Variants in SRSF4 observed in about 807,000 individuals in gnomAD.
The protein encoded by SRSF4 is serine and arginine rich splicing factor 4.
In SRSF4, 12 loss-of-function variants were observed where a neutral mutation model predicts 48.8. That is an observed-to-expected ratio of 0.25 (90% CI 0.16 to 0.40). SRSF4 has a LOEUF of 0.40. Ranked by LOEUF, SRSF4 falls within the 10% of genes least tolerant of loss-of-function variation. The pLI is 1.00. For synonymous variants in SRSF4, 248 were observed against 232.5 expected, an observed-to-expected ratio of 1.07 and a Z score of -0.61; for missense variants, 466 against 667.1, an observed-to-expected ratio of 0.70 and a Z score of 3.32.
intron 1 of SRSF4, chr1:29,172,584 G>A (rs1356399669): frequency 6.6e-6 from 1 of 152,208 alleles, no homozygotes; most frequent in African/African-American, 2.4e-5. Context: ...GAGCCACCAC[G>A]CCTGGCCAGC....
chr1:29,181,610 TC>T, intron 1 of SRSF4, 35 bp downstream of exon 1: 1 of 1,543,570 alleles, frequency 6.5e-7, no homozygotes, highest in Non-Finnish European at 8.8e-7. Flanking sequence ...ATGGGGTCTG[TC>T]CCCGCCCGGC....
At chr1:29,172,306 T>A (rs944271176) in intron 1 of SRSF4, 1 of 152,170 alleles carries the variant, frequency 6.6e-6, no homozygotes, top group Non-Finnish European at 1.5e-5. Context: ...TTTTATTTTT[T>A]ATTTTTGAGA....
chr1:29,162,087 T>A (rs551941455), intron 1 of SRSF4, among the ~76,000 whole-genome samples: 11 of 152,286 alleles, frequency 7.2e-5, no homozygotes, highest in South Asian at 4.1e-4. Context: ...TGGCACTGAA[T>A]GTCAACTCCA....
chr1:29,159,062 T>C (rs897836237), intron 3 of SRSF4, among the ~76,000 whole-genome samples: 4 of 152,012 alleles, frequency 2.6e-5, no homozygotes, highest in Non-Finnish European at 5.9e-5. Context: ...GCAGAGATGG[T>C]GCCACTGCAC....
At chr1:29,179,466 C>T (rs1003816464) in intron 1 of SRSF4, among the ~76,000 whole-genome samples, 2 of 152,062 alleles carry the variant, frequency 1.3e-5, no homozygotes, top group African/African-American at 4.8e-5. Flanking sequence ...CTGAAGTGAT[C>T]CTCCTGCCTC....
At chr1:29,165,627 G>C (rs1219489063) in intron 1 of SRSF4, among the ~76,000 whole-genome samples, 6 of 152,156 alleles carry the variant, frequency 3.9e-5, no homozygotes, top group African/African-American at 1.4e-4. Context: ...CATCTTCACT[G>C]AACAGGGAGA....
chr1:29,163,485 T>A (rs1672628295), intron 1 of SRSF4, among the ~76,000 whole-genome samples: 1 of 152,200 alleles, frequency 6.6e-6, no homozygotes, highest in African/African-American at 2.4e-5. Context: ...ACTCTTGTTC[T>A]GAGAATAAAG....
intron 1 of SRSF4, chr1:29,171,232 T>A (rs1442512865): frequency 6.6e-6 from 1 of 151,710 alleles, no homozygotes; most frequent in African/African-American, 2.4e-5. Flanking sequence ...TCATAAAAAA[T>A]ACCATCTGTC....
intron 1 of SRSF4, among the ~76,000 whole-genome samples, chr1:29,161,291 G>C (rs1291784900): frequency 6.6e-6 from 1 of 152,150 alleles, no homozygotes; most frequent in East Asian, 1.9e-4. Context: ...ATACTTATAA[G>C]CAAGGTTATA....
At chr1:29,168,015 T>TC (rs1672691908) in intron 1 of SRSF4, among the ~76,000 whole-genome samples, 1 of 131,158 alleles carries the variant, frequency 7.6e-6, no homozygotes, top group Non-Finnish European at 1.7e-5. Flanking sequence ...CTAATTCCTT[T>TC]TTTTTTTTTT....
chr1:29,174,910 G>A (rs1672813466), intron 1 of SRSF4, among the ~76,000 whole-genome samples: 1 of 150,800 alleles, frequency 6.6e-6, no homozygotes, highest in Admixed American at 6.6e-5. Flanking sequence ...TTGACCTTGT[G>A]ATCTGCCAGC....
intron 3 of SRSF4, among the ~76,000 whole-genome samples, 186 bp from the exon 4 acceptor site, chr1:29,155,096 G>A (rs548533028): frequency 6.6e-6 from 1 of 152,254 alleles, no homozygotes; most frequent in South Asian, 2.1e-4. Flanking sequence ...ATATTAGGTG[G>A]GTGGGAGAGA....
chr1:29,153,379 C>T (rs575776711), intron 4 of SRSF4, among the ~76,000 whole-genome samples: 8 of 152,142 alleles, frequency 5.3e-5, no homozygotes, highest in Non-Finnish European at 8.8e-5. Flanking sequence ...AACTCCTGAC[C>T]TCAGGTGATC....
At chr1:29,149,687 G>A (rs1672374341) in intron 5 of SRSF4, among the ~76,000 whole-genome samples, 1 of 92,570 alleles carries the variant, frequency 1.1e-5, no homozygotes, top group South Asian at 4.2e-4. Context: ...TCTTGAGGGG[G>A]GAAAAAAAAA....
intron 4 of SRSF4, among the ~76,000 whole-genome samples, chr1:29,151,586 A>G (rs1179018027): frequency 1.3e-5 from 2 of 152,236 alleles, no homozygotes. Context: ...GGTTTTACCT[A>G]AAAACCCCTT....
chr1:29,158,281 A>G (rs1173818990), intron 3 of SRSF4, among the ~76,000 whole-genome samples: 3 of 152,216 alleles, frequency 2.0e-5, no homozygotes, highest in African/African-American at 7.2e-5. Context: ...AACCTTATGA[A>G]AAAACATGGG....
chr1:29,147,928 A>G lies in SRSF4; in HGVS notation c.*482T>C, dbSNP rs889512278. 7 of 357,582 alleles carry G rather than the reference A, an allele frequency of 2.0e-5. No homozygotes were observed. The highest frequency in any genetic ancestry group is 1.4e-4 in the Admixed American group (4 of 29,312). 22.2% of individuals were successfully genotyped at this position (357,582 alleles called of 1,614,324 possible). ...TTTCCTATGGGTTACTGCAGGTATC[A>G]ATTTTCCTCGACTGTGCTATTCACA... On this transcript the variant is annotated 3_prime_UTR_variant, in exon 6 of 6. Coordinates refer to ENST00000373795, the MANE Select transcript of SRSF4 (RefSeq NM_005626.5).
intron 2 of SRSF4, 85 bp downstream of exon 2, chr1:29,160,290 A>T: frequency 7.0e-7 from 1 of 1,421,380 alleles, no homozygotes; most frequent in Non-Finnish European, 9.4e-7. Flanking sequence ...CAATACGTTT[A>T]AATGTAATAT....
chr1:29,171,815 G>A (rs981757703), intron 1 of SRSF4: 2 of 152,052 alleles, frequency 1.3e-5, no homozygotes, highest in Non-Finnish European at 2.9e-5. Flanking sequence ...CAAATACTTC[G>A]TATGGCCCTT....
Sources: gnomAD v4.1 joint callset for allele counts (sites outside exome capture counted in the v4.1 genomes callset) on GRCh38, gnomAD v4.1.1 for gene constraint, MANE v1.5 for transcripts, NCBI Gene and HGNC (gene_info 2026-07-23, HGNC 2026-07-21) for gene names.